SRD5A3: variants seen among roughly 807,000 people sequenced by gnomAD.
The protein encoded by SRD5A3 is polyprenal reductase.
In SRD5A3, 24 loss-of-function variants were observed where a neutral mutation model predicts 34.3. The ratio of observed to expected loss-of-function variants is 0.70; its 90% confidence interval spans 0.51 to 0.99. SRD5A3 has a LOEUF of 0.99. Ranked by LOEUF, SRD5A3 falls within the 50% of genes least tolerant of loss-of-function variation. The pLI is 0.00. For missense variants in SRD5A3, 350 were observed against 388.2 expected, an observed-to-expected ratio of 0.90 and a Z score of 0.83; for synonymous variants, 161 against 167.3, an observed-to-expected ratio of 0.96 and a Z score of 0.29.
chr4:55,355,330 C>T (rs1719411776), intron 1 of SRD5A3, among the ~76,000 whole-genome samples: 1 of 151,838 alleles, frequency 6.6e-6, no homozygotes, highest in Admixed American at 6.6e-5. Context: ...TGGTGGCGGG[C>T]GCCTATAGTT....
chr4:55,353,166 T>C (rs1341000397), intron 1 of SRD5A3, among the ~76,000 whole-genome samples: 1 of 152,112 alleles, frequency 6.6e-6, no homozygotes, highest in East Asian at 1.9e-4. Flanking sequence ...AGTATTAGCA[T>C]AATAGTGAGA....
intron 4 of SRD5A3, 41 bp downstream of exon 4, chr4:55,367,763 C>T: frequency 1.2e-6 from 2 of 1,613,100 alleles, no homozygotes; most frequent in Non-Finnish European, 1.7e-6. Context: ...GATTTTAACC[C>T]TCAGAAGTTA....
Position 55,367,572 on chromosome 4 carries a change from A to C in SRD5A3, c.563-16A>C, listed in dbSNP as rs756764294. 1.2e-6 allele frequency: 2 copies of C among 1,613,728 alleles called. No individual in the cohort carries two copies. Among genetic ancestry groups the C allele is most frequent in the South Asian group, 2.2e-5 (2 of 91,086 alleles). On this transcript the variant is annotated splice_polypyrimidine_tract_variant and intron_variant, in intron 3 of 4. Coordinates refer to ENST00000264228, the MANE Select transcript of SRD5A3 (RefSeq NM_024592.5). ...TGAAATTGTTTAGTGTTGGCTAACAATTCTCATTCCTATAGCCTACATAAC... is the reference window on the plus strand; with the variant it reads ...TGAAATTGTTTAGTGTTGGCTAACACTTCTCATTCCTATAGCCTACATAAC...
At chr4:55,366,228 ACT>A (rs1004925707) in intron 3 of SRD5A3, among the ~76,000 whole-genome samples, 1 of 151,824 alleles carries the variant, frequency 6.6e-6, no homozygotes, top group Non-Finnish European at 1.5e-5. Context: ...CTGTAGGTAA[ACT>A]CTCTGCATTT....
chr4:55,364,344 C>T, intron 3 of SRD5A3, 73 bp downstream of exon 3: 3 of 1,510,416 alleles, frequency 2.0e-6, no homozygotes, highest in Admixed American at 3.4e-5. Context: ...TTGTGCTGTG[C>T]TAAGCATTAT....
intron 2 of SRD5A3, 54 bp from the exon 3 acceptor site, chr4:55,364,020 C>T (rs1340941391): frequency 7.5e-6 from 12 of 1,592,886 alleles, no homozygotes; most frequent in African/African-American, 6.7e-5. Context: ...AAAAACAAAA[C>T]TTTGGATTAA....
intron 3 of SRD5A3, chr4:55,364,794 T>G (rs1443220035): frequency 5.6e-6 from 1 of 180,094 alleles, no homozygotes; most frequent in East Asian, 1.4e-4. Flanking sequence ...GGGAGCCATT[T>G]TGTTGCCGCT....
In SRD5A3 at chr4:55,370,265, T is replaced by A. The variant is rs1377685312; in HGVS notation, c.*174T>A. ...TGGCAGTGCCACTCAAGAAAATGAA[T>A]CTCCAAAGTATCTTCAAAGAATAAA... On this transcript the variant is annotated 3_prime_UTR_variant, in exon 5 of 5. Coordinates refer to ENST00000264228, the MANE Select transcript of SRD5A3 (RefSeq NM_024592.5). 1 of 789,430 alleles carries A rather than the reference T, an allele frequency of 1.3e-6. No individual in the cohort carries two copies. The highest frequency in any genetic ancestry group is 2.0e-6 in the Non-Finnish European group (1 of 490,668). 48.9% of individuals were successfully genotyped at this position (789,430 alleles called of 1,614,324 possible). A position where few individuals can be genotyped will look rare whatever the true frequency, so the allele number is the denominator to read the frequency against.
In SRD5A3 at chr4:55,356,000, A is replaced by ATTTTTTTTTTTTTTTTTTT. The variant is rs10648522; in HGVS notation, c.222-3338_222-3320dup. On this transcript the variant is annotated intron_variant, in intron 1 of 4. Transcript: ENST00000264228. Reference sequence around the variant, plus strand: ...ATGACCAATGCTTTCTTTTGCCTCCATTTTTTTTTTTTTTTTTTTTTTTTT... The same window carrying ATTTTTTTTTTTTTTTTTTT: ...ATGACCAATGCTTTCTTTTGCCTCCATTTTTTTTTTTTTTTTTTTTTTTTTTTTTTTTTTTTTTTTTTTT... 1.2e-4 allele frequency among the ~76,000 whole-genome samples: 9 copies of ATTTTTTTTTTTTTTTTTTT among 74,264 alleles called. 2 individuals carry two copies. The highest frequency in any genetic ancestry group is 2.1e-4 in the Non-Finnish European group (9 of 43,028). 48.7% of individuals were successfully genotyped at this position (74,264 alleles called of 152,430 possible). A position where few individuals can be genotyped will look rare whatever the true frequency, so the allele number is the denominator to read the frequency against.
chr4:55,367,568 A>G lies in SRD5A3; in HGVS notation c.563-20A>G, dbSNP rs1719949506. 1 of 1,613,610 alleles carries G rather than the reference A, an allele frequency of 6.2e-7. No individual in the cohort carries two copies. Among genetic ancestry groups the G allele is most frequent in the Non-Finnish European group, 8.5e-7 (1 of 1,179,984 alleles). The stretch of plus-strand genomic sequence containing the variant: ...CCTGTGAAATTGTTTAGTGTTGGCT[A>G]ACAATTCTCATTCCTATAGCCTACA... On this transcript the variant is annotated intron_variant, in intron 3 of 4. Coordinates refer to ENST00000264228, the MANE Select transcript of SRD5A3 (RefSeq NM_024592.5).
chr4:55,368,402 T>C (rs1340513437), intron 4 of SRD5A3, among the ~76,000 whole-genome samples: 1 of 79,108 alleles, frequency 1.3e-5, no homozygotes, highest in Non-Finnish European at 3.0e-5. Context: ...ATAGTTTTAT[T>C]TATTTATTTA....
At chr4:55,350,381 A>G (rs1284081001) in intron 1 of SRD5A3, among the ~76,000 whole-genome samples, 1 of 152,190 alleles carries the variant, frequency 6.6e-6, no homozygotes, top group Non-Finnish European at 1.5e-5. Context: ...AAAAGAAAGA[A>G]ATATACGTAT....
At chr4:55,365,747 G>T (rs1719868553) in intron 3 of SRD5A3, 1 of 152,150 alleles carries the variant, frequency 6.6e-6, no homozygotes, top group Non-Finnish European at 1.5e-5. Context: ...TCACCTCCTT[G>T]TCCTTCAAGG....
At chr4:55,364,424 TA>T in intron 3 of SRD5A3, 153 bp downstream of exon 3, 1 of 910,284 alleles carries the variant, frequency 1.1e-6, no homozygotes, top group Non-Finnish European at 1.7e-6. Flanking sequence ...AAGTCGATTT[TA>T]AAAGGCCGGG....
At chr4:55,354,235 C>T (rs1321662565) in intron 1 of SRD5A3, among the ~76,000 whole-genome samples, 4 of 152,042 alleles carry the variant, frequency 2.6e-5, no homozygotes, top group Non-Finnish European at 4.4e-5. Flanking sequence ...GGAGCTGGGA[C>T]TACAGGGGTG....
intron 1 of SRD5A3, among the ~76,000 whole-genome samples, chr4:55,348,791 G>A (rs895241419): frequency 6.6e-6 from 1 of 152,236 alleles, no homozygotes; most frequent in South Asian, 2.1e-4. Flanking sequence ...GTACTAGCAA[G>A]GGTGGTACCT....
At chr4:55,349,937 CAGT>C (rs1719126948) in intron 1 of SRD5A3, among the ~76,000 whole-genome samples, 1 of 152,158 alleles carries the variant, frequency 6.6e-6, no homozygotes, top group Non-Finnish European at 1.5e-5. Flanking sequence ...GTAGAATTAG[CAGT>C]ATCTGTAACT....
At chr4:55,354,905 G>A (rs1036470319) in intron 1 of SRD5A3, among the ~76,000 whole-genome samples, 5 of 152,244 alleles carry the variant, frequency 3.3e-5, no homozygotes, top group African/African-American at 1.2e-4. Context: ...CCAGAGCCTG[G>A]AGCAGCTGTG....
chr4:55,346,455 T>C lies in SRD5A3; in HGVS notation c.119T>C (p.Leu40Pro). The change falls in exon 1 of 5, where the codon CTC becomes CCC. Residue 40 changes from leucine to proline, a missense_variant. Leu to Pro is a moderately conservative substitution (Grantham distance 98). Coordinates refer to ENST00000264228, the MANE Select transcript of SRD5A3 (RefSeq NM_024592.5). ...LLLQLLPPGL[L>P]PGCAIFQDLI... ...CTGCAGCTCCTGCCGCCCGGCCTGC[T>C]CCCGGGCTGCGCGATCTTCCAGGAC... 2 of 1,607,426 alleles carry C rather than the reference T, an allele frequency of 1.2e-6. No homozygotes were observed. The highest frequency in any genetic ancestry group is 1.3e-5 in the African/African-American group (1 of 74,198).
Sources: gnomAD v4.1 joint callset for allele counts (sites outside exome capture counted in the v4.1 genomes callset) on GRCh38, gnomAD v4.1.1 for gene constraint, MANE v1.5 for transcripts, NCBI Gene and HGNC (gene_info 2026-07-23, HGNC 2026-07-21) for gene names.